The following AP1G1 variants were observed in gnomAD, a reference collection of about 807,000 sequenced individuals.
The protein encoded by AP1G1 is AP-1 complex subunit gamma-1.
A neutral mutation model predicts 108.3 loss-of-function variants in AP1G1; 7 were observed. The observed-to-expected ratio is 0.06, with a 90% confidence interval of 0.04 to 0.12. The LOEUF (loss-of-function observed/expected upper bound fraction) is 0.12, where lower values mean the gene tolerates loss of function less well. AP1G1 is among the 10% of genes least tolerant of loss of function. The pLI is 1.00. For missense variants in AP1G1, 756 were observed against 1,010.7 expected, an observed-to-expected ratio of 0.75 and a Z score of 3.42; for synonymous variants, 379 against 353.5, an observed-to-expected ratio of 1.07 and a Z score of -0.81.
chr16:71,764,214 C>G (rs2031223328), intron 9 of AP1G1, 136 bp downstream of exon 9: 1 of 558,988 alleles, frequency 1.8e-6, no homozygotes, highest in Non-Finnish European at 3.2e-6. Context: ...TACCAAAAAT[C>G]CAGCATTCCA....
At chr16:71,764,262 T>C (rs1429060797) in intron 9 of AP1G1, 88 bp downstream of exon 9, 71 of 708,086 alleles carry the variant, frequency 1.0e-4, no homozygotes, top group Non-Finnish European at 4.5e-6. Context: ...GAGTTCCAAA[T>C]GGAATACAAT....
rs932990669 is a variant in AP1G1, at chr16:71,806,298, G to A, written c.-4+2465C>T. Among the ~76,000 whole-genome samples the A allele has an allele frequency of 6.6e-5, 10 of 152,172 alleles. No homozygotes were observed. In the East Asian group the frequency reaches 1.2e-3, roughly 18 times the overall value. Reference sequence around the variant, plus strand: ...AAACGCAAAGCAGACATTCAAATATGCACTGATCAATGGTGCACTAAACAA... The same window carrying A: ...AAACGCAAAGCAGACATTCAAATATACACTGATCAATGGTGCACTAAACAA... On this transcript the variant is annotated intron_variant, in intron 1 of 22. Transcript: ENST00000299980.
intron 15 of AP1G1, 152 bp from the exon 16 acceptor site, chr16:71,748,530 C>A: frequency 1.1e-6 from 1 of 949,642 alleles, no homozygotes; most frequent in Non-Finnish European, 1.5e-6. Flanking sequence ...GGTAACTGTC[C>A]AAGCTGTTCT....
rs191110131 is a variant in AP1G1, at chr16:71,778,543, C to T, written c.202-3951G>A. Among the ~76,000 whole-genome samples the T allele has an allele frequency of 4.8e-4, 73 of 152,012 alleles. No homozygotes were observed. The East Asian group carries it at 0.013, about 28-fold the overall frequency. On this transcript the variant is annotated intron_variant, in intron 2 of 22. Transcript: ENST00000299980. ...ACTGAAATACAAAAAATTAGCCAGGCGTAGCGGCGTGAGCCTGTAATCCCA... is the reference window on the plus strand; with the variant it reads ...ACTGAAATACAAAAAATTAGCCAGGTGTAGCGGCGTGAGCCTGTAATCCCA...
chr16:71,808,217 C>G lies in AP1G1; in HGVS notation c.-4+546G>C, dbSNP rs145655231. The G allele has an allele frequency of 5.3e-5, 59 of 1,105,506 alleles. No individual in the cohort carries two copies. In the African/African-American group the frequency reaches 9.4e-4, roughly 18 times the overall value. The allele number at this position is 1,105,506 out of a possible 1,614,324, so 68.5% of individuals were successfully genotyped here. A position where few individuals can be genotyped will look rare whatever the true frequency, so the allele number is the denominator to read the frequency against. ...AAAACAAAACAACAACATATACACACACACACGAAAAATTGGGAAAGAAGT... is the reference window on the plus strand; with the variant it reads ...AAAACAAAACAACAACATATACACAGACACACGAAAAATTGGGAAAGAAGT... On this transcript the variant is annotated intron_variant, in intron 1 of 22. Coordinates refer to ENST00000299980, the MANE Select transcript of AP1G1 (RefSeq NM_001128.6).
At chr16:71,769,583 T>G (rs771275544) in intron 6 of AP1G1, 40 bp downstream of exon 6, 1 of 1,551,640 alleles carries the variant, frequency 6.4e-7, no homozygotes, top group Non-Finnish European at 8.9e-7. Flanking sequence ...AAAATCATTT[T>G]TCAATCAAGA....
chr16:71,784,136 C>T lies in AP1G1; in HGVS notation c.201+5143G>A, dbSNP rs563535824. 6.1e-4 allele frequency among the ~76,000 whole-genome samples: 93 copies of T among 152,242 alleles called. 1 individual carries two copies. The South Asian group carries it at 0.019, about 31-fold the overall frequency. ...GAATTCAGTGCTTCAAAAAACATTG[C>T]CGTCCTTTAGGAAATGGTAAAATGC... is the stretch of plus-strand genomic sequence containing the variant. On this transcript the variant is annotated intron_variant, in intron 2 of 22. Coordinates refer to ENST00000299980, the MANE Select transcript of AP1G1 (RefSeq NM_001128.6).
At chr16:71,746,757 T>A (rs1291197707) in intron 16 of AP1G1, 65 bp from the exon 17 acceptor site, 3 of 1,264,904 alleles carry the variant, frequency 2.4e-6, no homozygotes, top group East Asian at 2.4e-5. Flanking sequence ...GCAGAGATAA[T>A]GTTTAATAAG....
intron 19 of AP1G1, chr16:71,743,630 C>T (rs1214389142): frequency 1.4e-5 from 2 of 147,726 alleles, no homozygotes; most frequent in African/African-American, 5.0e-5. Context: ...GACACTTTAA[C>T]CTTTCAGCTA....
At chr16:71,768,917 CAAAAAAA>C (rs58725744) in intron 6 of AP1G1, among the ~76,000 whole-genome samples, 92 of 42,162 alleles carry the variant, frequency 2.2e-3, no homozygotes, top group African/African-American at 0.01. Flanking sequence ...GACTCTGTCT[CAAAAAAA>C]AAAAAAAAAA....
intron 1 of AP1G1, chr16:71,808,094 C>G (rs1279365426): frequency 1.7e-6 from 2 of 1,160,642 alleles, no homozygotes; most frequent in Non-Finnish European, 2.2e-6. Flanking sequence ...CCGACTCTTT[C>G]AGGCAATCAG....
intron 1 of AP1G1, among the ~76,000 whole-genome samples, chr16:71,802,376 C>T (rs2032833683): frequency 6.6e-6 from 1 of 152,048 alleles, no homozygotes; most frequent in Admixed American, 6.6e-5. Context: ...AAGTGATCTT[C>T]CTGCCTCAGG....
At chr16:71,758,199 A>G (rs2030898188) in intron 11 of AP1G1, among the ~76,000 whole-genome samples, 1 of 152,226 alleles carries the variant, frequency 6.6e-6, no homozygotes, top group African/African-American at 2.4e-5. Flanking sequence ...TACAACCAAA[A>G]GTTCAGAGGC....
chr16:71,745,382 A>G, intron 18 of AP1G1, 91 bp downstream of exon 18: 1 of 1,605,386 alleles, frequency 6.2e-7, no homozygotes, highest in Non-Finnish European at 8.5e-7. Context: ...CAACCAACCC[A>G]GGAACATTAA....
intron 12 of AP1G1, 137 bp downstream of exon 12, chr16:71,755,882 G>C (rs2030759926): frequency 1.1e-6 from 1 of 876,272 alleles, no homozygotes; most frequent in Admixed American, 2.6e-5. Flanking sequence ...CTGACTTCAT[G>C]ATCCACCTGC....
At chr16:71,806,719 T>G (rs1194113976) in intron 1 of AP1G1, 24 of 1,288,270 alleles carry the variant, frequency 1.9e-5, no homozygotes, top group Non-Finnish European at 2.3e-5. Context: ...TGTTCAGTGT[T>G]TGACAGTTCC....
intron 1 of AP1G1, among the ~76,000 whole-genome samples, chr16:71,800,807 A>C (rs1404318426): frequency 6.6e-6 from 1 of 151,908 alleles, no homozygotes; most frequent in African/African-American, 2.4e-5. Flanking sequence ...TCTCAAAAAA[A>C]AAAAAGAAAG....
Position 71,745,607 on chromosome 16 carries a change from G to C in AP1G1, c.1738C>G (p.Leu580Val), listed in dbSNP as rs763159600. 2.5e-6 allele frequency: 4 copies of C among 1,614,026 alleles called. No individual in the cohort carries two copies. Among genetic ancestry groups the C allele is most frequent in the Non-Finnish European group, 3.4e-6 (4 of 1,179,916 alleles). Residue 580 changes from leucine to valine, a missense_variant, in exon 18 of 23, where the codon CTA becomes GTA. Transcript: ENST00000299980. ...FKKYDHMRSA[L>V]LERMPVMEKV... ...TCCATGACAGGCATTCTCTCAAGTA[G>C]GGCAGACCTAGAAGAATCTGAAGTG...
intron 1 of AP1G1, among the ~76,000 whole-genome samples, chr16:71,793,613 T>C (rs1357744098): frequency 2.0e-5 from 3 of 152,208 alleles, no homozygotes; most frequent in Admixed American, 6.5e-5. Context: ...AACCAAAAAG[T>C]AGCCAACTCC....
Sources: gnomAD v4.1 joint callset for allele counts (sites outside exome capture counted in the v4.1 genomes callset) on GRCh38, gnomAD v4.1.1 for gene constraint, MANE v1.5 for transcripts, NCBI Gene and HGNC (gene_info 2026-07-23, HGNC 2026-07-21) for gene names.